Variants in CTNNA2 observed in about 807,000 individuals in gnomAD.
CTNNA2 encodes the protein catenin alpha-2.
In CTNNA2, 42 loss-of-function variants were observed where a neutral mutation model predicts 101.0. The observed-to-expected ratio is 0.42, with a 90% CI of 0.32 to 0.54. CTNNA2 has a LOEUF of 0.54. CTNNA2 is among the 20% of genes least tolerant of loss of function. The pLI is 0.14. For synonymous variants in CTNNA2, 450 were observed against 456.4 expected, an observed-to-expected ratio of 0.99 and a Z score of 0.18; for missense variants, 871 against 1,223.1, an observed-to-expected ratio of 0.71 and a Z score of 4.29.
intron 3 of CTNNA2, among the ~76,000 whole-genome samples, chr2:79,360,199 G>C (rs1235595423): frequency 2.6e-5 from 4 of 152,108 alleles, no homozygotes; most frequent in African/African-American, 9.7e-5. Flanking sequence ...AGAATACATG[G>C]TTCTATCCTA....
intron 7 of CTNNA2, chr2:80,299,487 G>C (rs1342383608): frequency 6.6e-6 from 1 of 151,952 alleles, no homozygotes; most frequent in Non-Finnish European, 1.5e-5. Flanking sequence ...GAAACATACA[G>C]ACACACACAC....
At chr2:79,992,361 A>C (rs756914301) in intron 7 of CTNNA2, among the ~76,000 whole-genome samples, 13 of 152,236 alleles carry the variant, frequency 8.5e-5, no homozygotes, top group Non-Finnish European at 1.9e-4. Flanking sequence ...TTAATATTGC[A>C]TATGGTGAAA....
intron 4 of CTNNA2, among the ~76,000 whole-genome samples, chr2:79,861,460 T>C (rs1372742104): frequency 1.3e-5 from 2 of 152,332 alleles, no homozygotes; most frequent in Non-Finnish European, 2.9e-5. Context: ...TCGTTCAGCC[T>C]CTAAAAATGA....
At chr2:79,840,111 T>A (rs1363413967) in intron 3 of CTNNA2, among the ~76,000 whole-genome samples, 2 of 152,240 alleles carry the variant, frequency 1.3e-5, no homozygotes, top group African/African-American at 4.8e-5. Flanking sequence ...TACTGTGTGA[T>A]AATAAGTTAT....
Position 79,844,796 on chromosome 2 carries a change from G to A in CTNNA2, c.299-13217G>A, listed in dbSNP as rs79691999. ...CCGAAGGACTGCTTGATGATCAGCA[G>A]TGTATTTTCCTGGGACATTTTCATC... On this transcript the variant is annotated intron_variant, in intron 3 of 18. Coordinates refer to ENST00000402739, the MANE Select transcript of CTNNA2 (RefSeq NM_001282597.3). Among the ~76,000 whole-genome samples the A allele has an allele frequency of 4.6e-3, 675 of 148,002 alleles. 4 individuals carry two copies. Among genetic ancestry groups the A allele is most frequent in the African/African-American group, 0.015 (590 of 39,920 alleles).
rs1408060991 is a variant in CTNNA2 at position 80,204,034 on chromosome 2, G to C, written c.1057-189177G>C. On this transcript the variant is annotated intron_variant, in intron 7 of 18. Coordinates refer to ENST00000402739, the MANE Select transcript of CTNNA2 (RefSeq NM_001282597.3). ...TATACCATGGCCCCTTTTAGTTATG[G>C]CTGGAGTGGCTGGGTCACAGGGCAC... Among the ~76,000 whole-genome samples, 9 of 152,258 alleles carry C rather than the reference G, an allele frequency of 5.9e-5. No individual in the cohort carries two copies. In the East Asian group the frequency reaches 1.7e-3, roughly 30 times the overall value.
At chr2:79,673,196 T>G (rs1682962582) in intron 2 of CTNNA2, among the ~76,000 whole-genome samples, 1 of 152,320 alleles carries the variant, frequency 6.6e-6, no homozygotes, top group Admixed American at 6.5e-5. Context: ...TTACAAAATT[T>G]TGTACAATTA....
At chr2:80,449,081 A>T (rs1455158677) in intron 9 of CTNNA2, among the ~76,000 whole-genome samples, 3 of 152,130 alleles carry the variant, frequency 2.0e-5, no homozygotes, top group Non-Finnish European at 4.4e-5. Context: ...AGCTACCCAC[A>T]ATCAGTAGCA....
intron 2 of CTNNA2, among the ~76,000 whole-genome samples, chr2:79,667,046 T>C (rs4852507): frequency 0.21 from 32,142 of 152,146 alleles, 3,781 homozygotes; most frequent in Admixed American, 0.26. Flanking sequence ...ATCAACAAGG[T>C]CACTCTTCCA....
intron 9 of CTNNA2, among the ~76,000 whole-genome samples, chr2:80,527,648 G>T (rs999086968): frequency 8.5e-5 from 13 of 152,140 alleles, no homozygotes; most frequent in African/African-American, 3.1e-4. Context: ...TTCTTATGAT[G>T]GGGCAAAGTT....
At chr2:80,633,574 T>C (rs1672519349) in intron 18 of CTNNA2, among the ~76,000 whole-genome samples, 1 of 152,168 alleles carries the variant, frequency 6.6e-6, no homozygotes, top group Non-Finnish European at 1.5e-5. Flanking sequence ...AATAAAGACT[T>C]AGGGCAGGAA....
At chr2:80,067,845 C>G (rs1417698897) in intron 7 of CTNNA2, among the ~76,000 whole-genome samples, 11 of 152,144 alleles carry the variant, frequency 7.2e-5, no homozygotes. Context: ...CTCTTGTCAA[C>G]AGCAAGTACA....
chr2:79,398,423 G>C (rs1678254326), intron 4 of CTNNA2, among the ~76,000 whole-genome samples: 1 of 152,090 alleles, frequency 6.6e-6, no homozygotes, highest in Non-Finnish European at 1.5e-5. Flanking sequence ...CATGCCTATA[G>C]TCTACAGTGT....
At chr2:79,689,366 T>C (rs1684141664) in intron 2 of CTNNA2, among the ~76,000 whole-genome samples, 1 of 152,000 alleles carries the variant, frequency 6.6e-6, no homozygotes. Flanking sequence ...TGGGCTTTTA[T>C]TTTGGATTCT....
intron 7 of CTNNA2, among the ~76,000 whole-genome samples, chr2:80,270,760 A>G (rs2149138657): frequency 6.6e-6 from 1 of 152,344 alleles, no homozygotes; most frequent in Non-Finnish European, 1.5e-5. Flanking sequence ...AGACTTCAGA[A>G]GAAGATTTTT....
rs961977971 is a variant in CTNNA2 at position 80,305,341 on chromosome 2, G to C, written c.1057-87870G>C. 5 of 985,270 alleles carry C rather than the reference G, an allele frequency of 5.1e-6. No homozygotes were observed. The Admixed American group carries it at 2.5e-4, about 49-fold the overall frequency. 61.0% of individuals were successfully genotyped at this position (985,270 alleles called of 1,614,324 possible). On this transcript the variant is annotated intron_variant, in intron 7 of 18. Coordinates refer to ENST00000402739, the MANE Select transcript of CTNNA2 (RefSeq NM_001282597.3). Reference sequence around the variant, plus strand: ...GCAAAAAGGTATGTCTGTGTGCAGGGAGACTTGACTGAGATCCCTCCGGGG... The same window carrying C: ...GCAAAAAGGTATGTCTGTGTGCAGGCAGACTTGACTGAGATCCCTCCGGGG...
intron 1 of CTNNA2, among the ~76,000 whole-genome samples, chr2:79,196,167 C>T (rs1673958125): frequency 2.0e-5 from 3 of 152,190 alleles, no homozygotes; most frequent in Admixed American, 6.5e-5. Context: ...CTCCTGACCT[C>T]GTGATCCACC....
chr2:79,371,794 T>G (rs1410448106), intron 3 of CTNNA2, among the ~76,000 whole-genome samples: 1 of 152,106 alleles, frequency 6.6e-6, no homozygotes, highest in Non-Finnish European at 1.5e-5. Context: ...CCCTTAATGA[T>G]TCTGATCCTT....
At chr2:80,153,258 A>C (rs990642992) in intron 7 of CTNNA2, among the ~76,000 whole-genome samples, 1 of 152,162 alleles carries the variant, frequency 6.6e-6, no homozygotes, top group Non-Finnish European at 1.5e-5. Flanking sequence ...GGCTTACTGA[A>C]GGGTCTTTTC....
Sources: gnomAD v4.1 joint callset for allele counts (sites outside exome capture counted in the v4.1 genomes callset) on GRCh38, gnomAD v4.1.1 for gene constraint, MANE v1.5 for transcripts, NCBI Gene and HGNC (gene_info 2026-07-23, HGNC 2026-07-21) for gene names.